The following EGFLAM variants were observed in gnomAD, a reference collection of about 807,000 sequenced individuals.
The protein encoded by EGFLAM is EGF like, fibronectin type III and laminin G domains.
A neutral mutation model predicts 113.1 loss-of-function variants in EGFLAM; 79 were observed. That is an observed-to-expected ratio of 0.70 (90% CI 0.58 to 0.84). The LOEUF (loss-of-function observed/expected upper bound fraction) is 0.84, where lower values mean the gene tolerates loss of function less well. Among genes scored for constraint, EGFLAM ranks in the 40% least tolerant of loss-of-function variants. The probability of loss-of-function intolerance (pLI) is 0.00; values close to 1 mark genes in which losing one functional copy is unlikely to be tolerated. For missense variants in EGFLAM, 1,265 were observed against 1,291.6 expected (o/e 0.98, Z 0.32); for synonymous variants, 504 against 487.6 (o/e 1.03, Z -0.44).
At chr5:38,427,381 C>T (rs1420450474) in intron 14 of EGFLAM, 129 bp downstream of exon 14, 1 of 1,414,902 alleles carries the variant, frequency 7.1e-7, no homozygotes, top group Non-Finnish European at 9.5e-7. Context: ...TCTTCTGAAA[C>T]TTGTCCTGAC....
intron 1 of EGFLAM, among the ~76,000 whole-genome samples, chr5:38,276,567 TA>T (rs1757891710): frequency 6.6e-6 from 1 of 150,942 alleles, no homozygotes; most frequent in Admixed American, 6.6e-5. Context: ...AAGAGAATAA[TA>T]AAGACTAGAT....
intron 1 of EGFLAM, among the ~76,000 whole-genome samples, chr5:38,313,820 T>C (rs556005096): frequency 6.6e-6 from 1 of 152,344 alleles, no homozygotes; most frequent in East Asian, 1.9e-4. Flanking sequence ...ATAACTTGTC[T>C]ATGTAAGCGT....
intron 6 of EGFLAM, among the ~76,000 whole-genome samples, chr5:38,387,542 C>T (rs139184998): frequency 3.3e-5 from 5 of 152,320 alleles, no homozygotes; most frequent in African/African-American, 9.6e-5. Context: ...GAAAGCAACC[C>T]GTGGTGAGCT....
At chr5:38,459,910 G>A (rs1261901724) in intron 20 of EGFLAM, among the ~76,000 whole-genome samples, 1 of 152,218 alleles carries the variant, frequency 6.6e-6, no homozygotes, top group Non-Finnish European at 1.5e-5. Context: ...TGATTTTGAT[G>A]AAGTCTCAAC....
At chr5:38,271,701 T>C (rs935946772) in intron 1 of EGFLAM, among the ~76,000 whole-genome samples, 3 of 152,234 alleles carry the variant, frequency 2.0e-5, no homozygotes, top group African/African-American at 7.2e-5. Flanking sequence ...TCGTGTACTC[T>C]TCCAGCCAGA....
chr5:38,391,021 T>A (rs1740792085), intron 6 of EGFLAM, among the ~76,000 whole-genome samples: 1 of 152,160 alleles, frequency 6.6e-6, no homozygotes, highest in South Asian at 2.1e-4. Flanking sequence ...TCTTAAGTTT[T>A]TTCTTTTTGA....
intron 19 of EGFLAM, among the ~76,000 whole-genome samples, chr5:38,451,995 A>G (rs1168099539): frequency 2.0e-5 from 3 of 150,248 alleles, no homozygotes; most frequent in African/African-American, 7.3e-5. Context: ...CCATCTCAAA[A>G]AAAAAAAAAA....
intron 11 of EGFLAM, among the ~76,000 whole-genome samples, chr5:38,417,021 C>T (rs1401213701): frequency 6.6e-6 from 1 of 151,886 alleles, no homozygotes; most frequent in Admixed American, 6.6e-5. Context: ...CCTTCCTTAC[C>T]CTGTAATGCA....
intron 5 of EGFLAM, among the ~76,000 whole-genome samples, chr5:38,359,504 A>C (rs992067995): frequency 3.3e-5 from 5 of 152,150 alleles, no homozygotes; most frequent in African/African-American, 1.2e-4. Flanking sequence ...GTGAAACCCT[A>C]TCTCTGCTAA....
rs1472396967 is a variant in EGFLAM, at chr5:38,286,068, CAT to C, written c.97+27220_97+27221del. On this transcript the variant is annotated intron_variant, in intron 1 of 21. Coordinates refer to ENST00000322350, the MANE Select transcript of EGFLAM (RefSeq NM_152403.4). The stretch of plus-strand genomic sequence containing the variant: ...AGCCTGAATCTTCTGTAATGACACA[CAT>C]ATGTAAAAATTAGAGTGATCAGTAA... The C allele has an allele frequency of 2.6e-5, 4 of 151,658 alleles. No individual in the cohort carries two copies. In the East Asian group the frequency reaches 7.7e-4, roughly 29 times the overall value. 9.4% of individuals were successfully genotyped at this position (151,658 alleles called of 1,614,324 possible). A position where few individuals can be genotyped will look rare whatever the true frequency, so the allele number is the denominator to read the frequency against.
intron 6 of EGFLAM, among the ~76,000 whole-genome samples, chr5:38,383,806 A>G (rs4552642): frequency 0.16 from 24,081 of 151,772 alleles, 2,379 homozygotes; most frequent in East Asian, 0.35. Flanking sequence ...TCAAAGAGAG[A>G]TTTGAGCAGA....
chr5:38,263,980 A>G (rs948795051), intron 1 of EGFLAM, among the ~76,000 whole-genome samples: 2 of 152,242 alleles, frequency 1.3e-5, no homozygotes, highest in South Asian at 2.1e-4. Context: ...CCTCATTCCT[A>G]TGCAGTAGAT....
At chr5:38,425,903 G>A (rs758214912) in intron 13 of EGFLAM, among the ~76,000 whole-genome samples, 5 of 152,158 alleles carry the variant, frequency 3.3e-5, no homozygotes, top group African/African-American at 1.2e-4. Flanking sequence ...CGAGGTGGGC[G>A]GATCACGAGG....
chr5:38,413,185 A>ATTTTTTTTTTTTT (rs34326457), intron 11 of EGFLAM, among the ~76,000 whole-genome samples: 5 of 100,898 alleles, frequency 5.0e-5, no homozygotes, highest in Admixed American at 1.2e-4. Context: ...TGCCTGGCTA[A>ATTTTTTTTTTTTT]TTTTTTTTTT....
chr5:38,297,209 AT>A (rs1187218036), intron 1 of EGFLAM, among the ~76,000 whole-genome samples: 2 of 152,202 alleles, frequency 1.3e-5, no homozygotes, highest in Non-Finnish European at 2.9e-5. Context: ...GTTATGTAAG[AT>A]TTAACATTAG....
chr5:38,272,014 T>C (rs1757777173), intron 1 of EGFLAM, among the ~76,000 whole-genome samples: 1 of 152,236 alleles, frequency 6.6e-6, no homozygotes, highest in Admixed American at 6.5e-5. Flanking sequence ...GCCAACATTT[T>C]TGCACAACAT....
chr5:38,413,185 A>ATTTTTTTTTTTT (rs34326457), intron 11 of EGFLAM, among the ~76,000 whole-genome samples: 5 of 100,882 alleles, frequency 5.0e-5, no homozygotes, highest in Non-Finnish European at 7.7e-5. Context: ...TGCCTGGCTA[A>ATTTTTTTTTTTT]TTTTTTTTTT....
At chr5:38,267,596 A>G (rs1315819014) in intron 1 of EGFLAM, among the ~76,000 whole-genome samples, 2 of 152,228 alleles carry the variant, frequency 1.3e-5, no homozygotes, top group Non-Finnish European at 2.9e-5. Context: ...CAGTGACTCT[A>G]CGAATTACTT....
intron 5 of EGFLAM, among the ~76,000 whole-genome samples, chr5:38,354,946 G>A (rs1001935177): frequency 1.3e-5 from 2 of 152,176 alleles, no homozygotes; most frequent in African/African-American, 2.4e-5. Context: ...TCAGACAGAA[G>A]AACTGGGAGA....
Sources: gnomAD v4.1 joint callset for allele counts (sites outside exome capture counted in the v4.1 genomes callset) on GRCh38, gnomAD v4.1.1 for gene constraint, MANE v1.5 for transcripts, NCBI Gene and HGNC (gene_info 2026-07-23, HGNC 2026-07-21) for gene names.